TDRP: variants seen among roughly 807,000 people sequenced by gnomAD.
The protein encoded by TDRP is testis development-related protein.
In TDRP, 12 loss-of-function variants were observed where a neutral mutation model predicts 10.5. The observed-to-expected ratio is 1.15, with a 90% CI of 0.73 to 1.86. The LOEUF (loss-of-function observed/expected upper bound fraction) is 1.86. Ranked by LOEUF, TDRP falls within the 40% of genes most tolerant of loss-of-function variation. The pLI, the probability that TDRP is intolerant of heterozygous loss-of-function variation, is 0.00. For missense variants in TDRP, 353 were observed against 229.2 expected (o/e 1.54, Z -3.49); for synonymous variants, 139 against 95.4 (o/e 1.46, Z -2.67).
intron 1 of TDRP, among the ~76,000 whole-genome samples, chr8:495,161 G>A (rs1801090838): frequency 6.6e-6 from 1 of 152,162 alleles, no homozygotes; most frequent in African/African-American, 2.4e-5. Context: ...TGAGACCCAG[G>A]AGGTCAAGGC....
At chr8:524,118 C>T (rs972858784) in intron 1 of TDRP, among the ~76,000 whole-genome samples, 7 of 152,136 alleles carry the variant, frequency 4.6e-5, no homozygotes, top group African/African-American at 7.2e-5. Context: ...TCCATTTGTT[C>T]GGGAGAAAGT....
At chr8:545,354 C>A (rs1244537440), upstream of TDRP, among the ~76,000 whole-genome samples, 22 of 136,948 alleles carry the variant, frequency 1.6e-4, 1 homozygote, top group Admixed American at 1.6e-3. Flanking sequence ...GGGTCCTCCT[C>A]TACCCCCGAG....
At chr8:531,652 T>C (rs1009622080) in intron 1 of TDRP, among the ~76,000 whole-genome samples, 2 of 152,222 alleles carry the variant, frequency 1.3e-5, no homozygotes, top group African/African-American at 4.8e-5. Context: ...TAAAATTTCT[T>C]GGCACAACTT....
At chr8:535,510 T>C (rs575551576) in intron 1 of TDRP, among the ~76,000 whole-genome samples, 308 of 152,248 alleles carry the variant, frequency 2.0e-3, no homozygotes, top group Non-Finnish European at 2.7e-3. Flanking sequence ...GTGGACTGCA[T>C]CTTGACTCAC....
At chr8:544,179 T>C (rs989529329) in intron 1 of TDRP, among the ~76,000 whole-genome samples, 1 of 152,094 alleles carries the variant, frequency 6.6e-6, no homozygotes, top group African/African-American at 2.4e-5. Flanking sequence ...CTGCTTAGTG[T>C]CCGCGAGGAG....
chr8:501,475 T>C (rs2116738504), intron 1 of TDRP, among the ~76,000 whole-genome samples: 1 of 151,762 alleles, frequency 6.6e-6, no homozygotes, highest in Middle Eastern at 3.4e-3. Context: ...GCCTCCTGAG[T>C]AGCTGGAATT....
chr8:505,543 G>T (rs187154287), intron 1 of TDRP, among the ~76,000 whole-genome samples: 2 of 152,274 alleles, frequency 1.3e-5, no homozygotes, highest in African/African-American at 4.8e-5. Context: ...CCTCAGACGG[G>T]AACTTAACCC....
rs575081802 is a variant in TDRP, at chr8:542,079, G to A, written c.108+2571C>T. ...CCCAAACAGTGGAATACTATTCAGT[G>A]CTAAAAAGAAACGAGCTACAAGCCG... On this transcript the variant is annotated intron_variant, in intron 1 of 2. Transcript: ENST00000324079. Among the ~76,000 whole-genome samples the A allele has an allele frequency of 2.6e-5, 4 of 152,282 alleles. No individual in the cohort carries two copies. The South Asian group carries it at 8.3e-4, about 32-fold the overall frequency.
At chr8:518,512 G>C (rs1052190477) in intron 1 of TDRP, among the ~76,000 whole-genome samples, 1 of 152,174 alleles carries the variant, frequency 6.6e-6, no homozygotes, top group Non-Finnish European at 1.5e-5. Context: ...CATGTATATA[G>C]AGATTTTAGT....
intron 1 of TDRP, among the ~76,000 whole-genome samples, chr8:495,929 C>G (rs533484085): frequency 2.0e-5 from 3 of 152,338 alleles, no homozygotes; most frequent in East Asian, 3.9e-4. Flanking sequence ...AGGCCAGACT[C>G]TCAACTCCCT....
At chr8:514,186 A>G (rs1801691758) in intron 1 of TDRP, among the ~76,000 whole-genome samples, 1 of 152,232 alleles carries the variant, frequency 6.6e-6, no homozygotes, top group Non-Finnish European at 1.5e-5. Context: ...TGCCATTTCA[A>G]ACTTACCACA....
intron 1 of TDRP, among the ~76,000 whole-genome samples, chr8:497,851 C>G (rs1176697114): frequency 6.6e-6 from 1 of 152,182 alleles, no homozygotes; most frequent in African/African-American, 2.4e-5. Flanking sequence ...GCCGCTCCAC[C>G]TCCCGCAGTG....
intron 1 of TDRP, among the ~76,000 whole-genome samples, chr8:518,219 AG>A (rs1292476897): frequency 6.6e-6 from 1 of 152,200 alleles, no homozygotes; most frequent in Non-Finnish European, 1.5e-5. Context: ...TAGGGAAGGT[AG>A]GGGCCAGGAG....
intron 1 of TDRP, among the ~76,000 whole-genome samples, chr8:509,799 ATTAC>A (rs1425487119): frequency 6.6e-6 from 1 of 152,046 alleles, no homozygotes; most frequent in Non-Finnish European, 1.5e-5. Flanking sequence ...TTTCTTTTCT[ATTAC>A]TTTGTCAGGC....
intron 1 of TDRP, among the ~76,000 whole-genome samples, chr8:540,345 A>C (rs900502912): frequency 6.6e-6 from 1 of 152,250 alleles, no homozygotes; most frequent in Non-Finnish European, 1.5e-5. Flanking sequence ...AACTCAAGGT[A>C]CAGAAAAATG....
At chr8:502,870 T>G (rs551447326) in intron 1 of TDRP, among the ~76,000 whole-genome samples, 1 of 121,914 alleles carries the variant, frequency 8.2e-6, no homozygotes, top group Non-Finnish European at 1.7e-5. Context: ...CACCTCAGCA[T>G]GCACCAACAC....
chr8:534,953 G>C (rs1563132349), intron 1 of TDRP, among the ~76,000 whole-genome samples: 1 of 152,102 alleles, frequency 6.6e-6, no homozygotes, highest in Non-Finnish European at 1.5e-5. Flanking sequence ...GACACGCTCT[G>C]ACTAAAAACG....
chr8:516,595 A>T (rs1013741413), intron 1 of TDRP, among the ~76,000 whole-genome samples: 3 of 151,936 alleles, frequency 2.0e-5, no homozygotes, highest in Non-Finnish European at 2.9e-5. Context: ...CAAAACCCAG[A>T]CCCCCACCAC....
intron 1 of TDRP, among the ~76,000 whole-genome samples, chr8:507,519 G>A (rs773191298): frequency 2.0e-5 from 3 of 152,126 alleles, no homozygotes; most frequent in Non-Finnish European, 4.4e-5. Flanking sequence ...GCAATTACTG[G>A]AATTTAGCAG....
Sources: gnomAD v4.1 joint callset for allele counts (sites outside exome capture counted in the v4.1 genomes callset) on GRCh38, gnomAD v4.1.1 for gene constraint, MANE v1.5 for transcripts, NCBI Gene and HGNC (gene_info 2026-07-23, HGNC 2026-07-21) for gene names.